Variants in COL25A1 observed in about 807,000 individuals in gnomAD.
COL25A1 encodes the protein collagen type XXV alpha 1 chain.
A neutral mutation model predicts 128.4 loss-of-function variants in COL25A1; 103 were observed. The ratio of observed to expected loss-of-function variants is 0.80; its 90% CI spans 0.68 to 0.94. The LOEUF (loss-of-function observed/expected upper bound fraction) is 0.94, where lower values mean the gene tolerates loss of function less well. COL25A1 is among the 40% of genes least tolerant of loss of function. COL25A1 has a pLI of 0.00. For synonymous variants in COL25A1, 279 were observed against 277.2 expected (o/e 1.01, Z -0.06); for missense variants, 745 against 840.0 (o/e 0.89, Z 1.40).
chr4:108,848,660 T>C (rs1735392627), intron 27 of COL25A1, 99 bp downstream of exon 27: 1 of 806,806 alleles, frequency 1.2e-6, no homozygotes, highest in Non-Finnish European at 2.1e-6. Flanking sequence ...AAAGAGGGTA[T>C]CAAATATCAA....
At chr4:109,183,210 C>T (rs952373663) in intron 3 of COL25A1, among the ~76,000 whole-genome samples, 6 of 151,992 alleles carry the variant, frequency 3.9e-5, no homozygotes, top group African/African-American at 1.2e-4. Flanking sequence ...ATTAACCCAA[C>T]CAGCATCTCC....
intron 3 of COL25A1, among the ~76,000 whole-genome samples, chr4:109,142,404 G>A (rs1770498788): frequency 1.3e-5 from 2 of 152,276 alleles, no homozygotes; most frequent in Non-Finnish European, 2.9e-5. Context: ...TTGATTTGGG[G>A]TGGAGAGTTC....
chr4:109,126,144 T>A lies in COL25A1; in HGVS notation c.368-75965A>T, dbSNP rs575857059. 3.3e-4 allele frequency among the ~76,000 whole-genome samples: 50 copies of A among 152,306 alleles called. No homozygotes were observed. The East Asian group carries it at 7.7e-3, about 24-fold the overall frequency. ...ACTTGAAATGGAAAGAGGTTTTTTT[T>A]AAATCCCCAATGTTTTTCTAATCCT... On this transcript the variant is annotated intron_variant, in intron 3 of 37. Coordinates refer to ENST00000399132, the MANE Select transcript of COL25A1 (RefSeq NM_198721.4).
At chr4:108,855,201 TTTA>T (rs1310000386) in intron 24 of COL25A1, among the ~76,000 whole-genome samples, 1 of 148,392 alleles carries the variant, frequency 6.7e-6, no homozygotes, top group Admixed American at 6.8e-5. Context: ...GTTTTTTTTT[TTTA>T]TTTTTTAAAT....
chr4:108,910,176 G>A (rs1744037399), intron 13 of COL25A1, among the ~76,000 whole-genome samples: 1 of 152,072 alleles, frequency 6.6e-6, no homozygotes, highest in Non-Finnish European at 1.5e-5. Flanking sequence ...ATTTCCTAAA[G>A]TATAGTTCTT....
chr4:108,832,607 G>A (rs1733269764), intron 31 of COL25A1, 174 bp from the exon 32 acceptor site: 1 of 559,052 alleles, frequency 1.8e-6, no homozygotes, highest in Non-Finnish European at 3.2e-6. Flanking sequence ...AGAAACTCAT[G>A]CAAAAAGGAT....
intron 3 of COL25A1, among the ~76,000 whole-genome samples, chr4:109,100,908 G>C (rs962871628): frequency 6.6e-6 from 1 of 152,124 alleles, no homozygotes; most frequent in Non-Finnish European, 1.5e-5. Context: ...TTCAGGCAGT[G>C]ATGGTTATGA....
intron 24 of COL25A1, among the ~76,000 whole-genome samples, chr4:108,857,662 T>C (rs1426063745): frequency 1.3e-5 from 2 of 151,524 alleles, no homozygotes; most frequent in Non-Finnish European, 2.9e-5. Context: ...TTAGATTGTG[T>C]TAGTAAAATC....
chr4:109,024,305 A>G (rs1412563266), intron 5 of COL25A1, among the ~76,000 whole-genome samples: 1 of 152,128 alleles, frequency 6.6e-6, no homozygotes, highest in East Asian at 1.9e-4. Context: ...TAAATATCTG[A>G]CTATTTCTTT....
intron 3 of COL25A1, among the ~76,000 whole-genome samples, chr4:109,180,478 C>G (rs1774522918): frequency 6.6e-6 from 1 of 152,030 alleles, no homozygotes; most frequent in African/African-American, 2.4e-5. Flanking sequence ...GTTTTCTAGT[C>G]TGTAAAATGG....
chr4:109,250,681 A>G (rs1780587690), intron 3 of COL25A1, among the ~76,000 whole-genome samples: 1 of 152,182 alleles, frequency 6.6e-6, no homozygotes. Context: ...GGCTTGGAAG[A>G]GGTTTTCCCA....
intron 19 of COL25A1, among the ~76,000 whole-genome samples, chr4:108,873,522 CTAG>C (rs58240378): frequency 0.4 from 58,699 of 147,116 alleles, 12,326 homozygotes; most frequent in Non-Finnish European, 0.45. Flanking sequence ...TGTTAGCTGT[CTAG>C]TAGTAGTAGT....
intron 3 of COL25A1, among the ~76,000 whole-genome samples, chr4:109,173,159 C>T (rs185781342): frequency 6.6e-6 from 1 of 152,214 alleles, no homozygotes; most frequent in African/African-American, 2.4e-5. Flanking sequence ...AATCATAACT[C>T]ACTGCAACCT....
chr4:108,901,090 T>C (rs777381249), intron 14 of COL25A1, 29 bp downstream of exon 14: 4 of 1,558,514 alleles, frequency 2.6e-6, no homozygotes, highest in Middle Eastern at 1.7e-4. Context: ...GTGTGTCAAA[T>C]GATTCTGCTT....
chr4:109,258,896 T>C (rs1781253563), intron 3 of COL25A1, among the ~76,000 whole-genome samples: 1 of 152,172 alleles, frequency 6.6e-6, no homozygotes, highest in African/African-American at 2.4e-5. Flanking sequence ...TACTACCCCT[T>C]TTAAGACATC....
At chr4:109,147,347 C>CA (rs1771039618) in intron 3 of COL25A1, among the ~76,000 whole-genome samples, 1 of 152,194 alleles carries the variant, frequency 6.6e-6, no homozygotes. Flanking sequence ...GGAGGCTTCA[C>CA]TTTGCTCACC....
intron 6 of COL25A1, among the ~76,000 whole-genome samples, chr4:109,006,159 A>C (rs1027785593): frequency 6.6e-6 from 1 of 151,858 alleles, no homozygotes; most frequent in Non-Finnish European, 1.5e-5. Context: ...TTTTAAGAAA[A>C]ATTTGATCAA....
intron 3 of COL25A1, among the ~76,000 whole-genome samples, chr4:109,143,096 C>T (rs570969451): frequency 6.6e-6 from 1 of 152,282 alleles, no homozygotes; most frequent in East Asian, 1.9e-4. Flanking sequence ...TCTTGTAAGG[C>T]AAGCCTGGTA....
intron 3 of COL25A1, among the ~76,000 whole-genome samples, chr4:109,275,468 G>A (rs1245635326): frequency 1.3e-5 from 2 of 152,120 alleles, no homozygotes; most frequent in African/African-American, 2.4e-5. Flanking sequence ...AAAGATTAGT[G>A]TGTCCCAGCA....
Sources: gnomAD v4.1 joint callset for allele counts (sites outside exome capture counted in the v4.1 genomes callset) on GRCh38, gnomAD v4.1.1 for gene constraint, MANE v1.5 for transcripts, NCBI Gene and HGNC (gene_info 2026-07-23, HGNC 2026-07-21) for gene names.